ANK3: variants seen among roughly 807,000 people sequenced by gnomAD.
ANK3 encodes the protein ankyrin 3, also known as ankyrin-3.
In ANK3, 57 loss-of-function variants were observed where a neutral mutation model predicts 370.9. The ratio of observed to expected loss-of-function variants is 0.15; its 90% CI spans 0.12 to 0.19. ANK3 has a LOEUF of 0.19. Ranked by LOEUF, ANK3 falls within the 10% of genes least tolerant of loss-of-function variation. The pLI is 1.00. For synonymous variants in ANK3, 1,929 were observed against 1,946.3 expected (o/e 0.99, Z 0.23); for missense variants, 4,439 against 5,302.1 (o/e 0.84, Z 5.06).
At chr10:60,043,616 GGAAAGA>G in intron 42 of ANK3, 1 of 985,390 alleles carries the variant, frequency 1.0e-6, no homozygotes, top group Non-Finnish European at 1.2e-6. Context: ...AGAACATACT[GGAAAGA>G]GAAAATGTAT....
chr10:60,053,898 T>C (rs1465889342), intron 42 of ANK3, among the ~76,000 whole-genome samples: 3 of 152,162 alleles, frequency 2.0e-5, no homozygotes, highest in Non-Finnish European at 4.4e-5. Context: ...CATTATGGAT[T>C]TTTTAGGTCA....
At chr10:60,627,648 T>G (rs2078429934) in intron 1 of ANK3, among the ~76,000 whole-genome samples, 1 of 152,132 alleles carries the variant, frequency 6.6e-6, no homozygotes, top group South Asian at 2.1e-4. Flanking sequence ...ATCTGACTTA[T>G]TTGACATGAA....
intron 1 of ANK3, among the ~76,000 whole-genome samples, chr10:60,316,895 C>T (rs918017618): frequency 3.9e-5 from 6 of 151,924 alleles, no homozygotes; most frequent in Admixed American, 6.6e-5. Flanking sequence ...TACAGGCGCC[C>T]GCCACCACGC....
At chr10:60,246,181 G>A (rs1235957567) in intron 7 of ANK3, among the ~76,000 whole-genome samples, 1 of 148,744 alleles carries the variant, frequency 6.7e-6, no homozygotes, top group African/African-American at 2.5e-5. Context: ...GCTTGACCCT[G>A]GGAAGCGGAG....
At chr10:60,484,358 T>C (rs1322535693) in intron 2 of ANK3, among the ~76,000 whole-genome samples, 1 of 152,124 alleles carries the variant, frequency 6.6e-6, no homozygotes, top group African/African-American at 2.4e-5. Context: ...ACTCTTCCAA[T>C]TGGGGAAATT....
At chr10:60,491,702 T>C (rs2075510733) in intron 2 of ANK3, among the ~76,000 whole-genome samples, 2 of 152,176 alleles carry the variant, frequency 1.3e-5, no homozygotes, top group Non-Finnish European at 2.9e-5. Flanking sequence ...AAGAAAAGAT[T>C]GATCAAATGA....
At chr10:60,035,811 G>C (rs998019089) in intron 43 of ANK3, among the ~76,000 whole-genome samples, 8 of 151,200 alleles carry the variant, frequency 5.3e-5, no homozygotes, top group Non-Finnish European at 8.8e-5. Context: ...CCAACATGGA[G>C]AAACCCCATC....
At chr10:60,077,825 T>C (rs2084183137) in intron 36 of ANK3, among the ~76,000 whole-genome samples, 2 of 152,162 alleles carry the variant, frequency 1.3e-5, no homozygotes, top group Non-Finnish European at 1.5e-5. Flanking sequence ...TCCCATAATA[T>C]TCATGGGACT....
At chr10:60,503,083 C>A (rs1177104602) in intron 2 of ANK3, among the ~76,000 whole-genome samples, 1 of 152,140 alleles carries the variant, frequency 6.6e-6, no homozygotes, top group Non-Finnish European at 1.5e-5. Context: ...CATTTATACT[C>A]TCATACATAA....
At chr10:60,240,483 T>C (rs1378143754) in intron 7 of ANK3, among the ~76,000 whole-genome samples, 2 of 151,626 alleles carry the variant, frequency 1.3e-5, no homozygotes, top group African/African-American at 4.8e-5. Flanking sequence ...TTTGTATTTT[T>C]AGTAGAGACG....
rs193048379 is a variant in ANK3, at chr10:60,643,779, G to A, written c.58-28555C>T. On this transcript the variant is annotated intron_variant, in intron 1 of 43. Coordinates refer to the ANK3 transcript ENST00000373827. ...TCAAGCAGAGCCCATCAGGTTTCTT[G>A]TTCAAGCATTTGTATGGATACTGGA... Among the ~76,000 whole-genome samples the A allele has an allele frequency of 6.1e-4, 93 of 152,230 alleles. 1 individual carries two copies. Among genetic ancestry groups the A allele is most frequent in the Admixed American group, 3.3e-3 (51 of 15,282 alleles).
intron 2 of ANK3, among the ~76,000 whole-genome samples, chr10:60,413,388 G>T (rs986857597): frequency 1.7e-4 from 26 of 152,172 alleles, no homozygotes; most frequent in Admixed American, 1.4e-3. Context: ...AAGCTCTACA[G>T]AATAAGTGCT....
intron 2 of ANK3, among the ~76,000 whole-genome samples, chr10:60,495,758 A>G (rs1331555319): frequency 2.6e-5 from 4 of 152,188 alleles, no homozygotes; most frequent in Admixed American, 2.6e-4. Context: ...TTGCAATTTT[A>G]TAATTATAAT....
At chr10:60,095,991 T>C (rs2090048608) in intron 28 of ANK3, among the ~76,000 whole-genome samples, 1 of 152,024 alleles carries the variant, frequency 6.6e-6, no homozygotes, top group East Asian at 1.9e-4. Context: ...GTGGCCAACA[T>C]GGTGAAACCC....
intron 1 of ANK3, among the ~76,000 whole-genome samples, chr10:60,663,581 T>C (rs111969992): frequency 2.0e-5 from 3 of 152,300 alleles, no homozygotes; most frequent in African/African-American, 7.2e-5. Flanking sequence ...GTGACTTCAG[T>C]CACAGCACTA....
intron 1 of ANK3, among the ~76,000 whole-genome samples, chr10:60,666,458 C>A (rs929085624): frequency 1.4e-4 from 21 of 152,106 alleles, no homozygotes; most frequent in Non-Finnish European, 2.8e-4. Context: ...GTCATTAAGT[C>A]AGCGTAACAT....
intron 1 of ANK3, among the ~76,000 whole-genome samples, chr10:60,380,330 C>A (rs1418811720): frequency 6.6e-6 from 1 of 152,076 alleles, no homozygotes; most frequent in African/African-American, 2.4e-5. Context: ...CCAGGAAAGA[C>A]TCATCTCGTG....
chr10:60,322,706 A>G, intron 1 of ANK3, among the ~76,000 whole-genome samples: 1 of 152,188 alleles, frequency 6.6e-6, no homozygotes, highest in Non-Finnish European at 1.5e-5. Context: ...CAAACAAAAC[A>G]AATGAACACT....
chr10:60,655,065 C>A (rs189586657), intron 1 of ANK3, among the ~76,000 whole-genome samples: 1 of 152,142 alleles, frequency 6.6e-6, no homozygotes, highest in Non-Finnish European at 1.5e-5. Flanking sequence ...AGCTACTGTG[C>A]TGCCAGTCAT....
Sources: gnomAD v4.1 joint callset for allele counts (sites outside exome capture counted in the v4.1 genomes callset) on GRCh38, gnomAD v4.1.1 for gene constraint, MANE v1.5 for transcripts, NCBI Gene and HGNC (gene_info 2026-07-23, HGNC 2026-07-21) for gene names.